Variants in SERAC1 observed in about 807,000 individuals in gnomAD.
The protein encoded by SERAC1 is protein SERAC1.
In SERAC1, 36 loss-of-function variants were observed where a neutral mutation model predicts 85.7. The observed-to-expected ratio is 0.42, with a 90% CI of 0.32 to 0.55. The LOEUF is 0.55. SERAC1 is among the 20% of genes least tolerant of loss of function. SERAC1 has a pLI of 0.11. For missense variants in SERAC1, 629 were observed against 796.2 expected (o/e 0.79, Z 2.53); for synonymous variants, 242 against 265.3 (o/e 0.91, Z 0.85).
At position 158,133,212 on chromosome 6, in the gene SERAC1, T is replaced by C. The variant is rs536427691; in HGVS notation, c.739-2726A>G. 3.3e-5 allele frequency among the ~76,000 whole-genome samples: 5 copies of C among 151,654 alleles called. No individual in the cohort carries two copies. The South Asian group carries it at 6.2e-4, about 19-fold the overall frequency. On this transcript the variant is annotated intron_variant, in intron 8 of 16. Transcript: ENST00000647468. Reference sequence around the variant, plus strand: ...TACCCGGGAGGCTGAGGTGGGAGGATTGCCTAGCCCAGGGAGGTCAAGGCT... The same window carrying C: ...TACCCGGGAGGCTGAGGTGGGAGGACTGCCTAGCCCAGGGAGGTCAAGGCT...
At chr6:158,118,529 G>A (rs1784345547) in intron 12 of SERAC1, among the ~76,000 whole-genome samples, 1 of 150,132 alleles carries the variant, frequency 6.7e-6, no homozygotes, top group Admixed American at 6.7e-5. Context: ...GAGGGGGAAT[G>A]ACTGTTTGAG....
chr6:158,165,195 A>C (rs907706311), intron 1 of SERAC1, among the ~76,000 whole-genome samples: 16 of 151,720 alleles, frequency 1.1e-4, no homozygotes, highest in Non-Finnish European at 4.4e-5. Flanking sequence ...TCACTCTGTC[A>C]CCCAGGCTGG....
At chr6:158,127,407 G>A (rs1290644881) in intron 10 of SERAC1, among the ~76,000 whole-genome samples, 89 of 42,588 alleles carry the variant, frequency 2.1e-3, no homozygotes, top group East Asian at 4.5e-3. Flanking sequence ...CAGCCGCCCC[G>A]TCCGGGAGGT....
chr6:158,136,190 A>C (rs761618036), intron 8 of SERAC1, among the ~76,000 whole-genome samples: 1 of 152,212 alleles, frequency 6.6e-6, no homozygotes, highest in African/African-American at 2.4e-5. Flanking sequence ...AAAGAGAAAA[A>C]TTTTAATTAA....
intron 16 of SERAC1, chr6:158,112,473 C>T (rs939099784): frequency 1.3e-5 from 2 of 150,852 alleles, no homozygotes; most frequent in Non-Finnish European, 3.0e-5. Flanking sequence ...TTTTTAAAAA[C>T]ATCTGGCAGC....
chr6:158,153,870 C>T (rs1785262025), intron 3 of SERAC1, among the ~76,000 whole-genome samples: 1 of 152,170 alleles, frequency 6.6e-6, no homozygotes. Context: ...GTGGCTCAGG[C>T]CTGTAATCCC....
At position 158,120,296 on chromosome 6, in the gene SERAC1, T is replaced by C; in HGVS notation, c.1166+129A>G. ...TGTGGTTACTATAGACAAATTATTT[T>C]AGTAAATAAGATATTTGACTTATAA... On this transcript the variant is annotated intron_variant, in intron 11 of 16. Coordinates refer to ENST00000647468, the MANE Select transcript of SERAC1 (RefSeq NM_032861.4). This position sits in a 1 kb window ranked among gnomAD's most constrained non-coding sequence, Gnocchi z 4.4. The C allele has an allele frequency of 1.0e-6, 1 of 973,608 alleles. No individual in the cohort carries two copies. Among genetic ancestry groups the C allele is most frequent in the African/African-American group, 1.7e-5 (1 of 59,792 alleles). 60.3% of individuals were successfully genotyped at this position (973,608 alleles called of 1,614,324 possible).
chr6:158,164,591 A>T (rs202166893), intron 1 of SERAC1, among the ~76,000 whole-genome samples: 1 of 152,288 alleles, frequency 6.6e-6, no homozygotes, highest in East Asian at 1.9e-4. Context: ...AAGGGAAGAG[A>T]TTATAATTTA....
intron 1 of SERAC1, 111 bp from the exon 2 acceptor site, chr6:158,158,475 T>C: frequency 1.4e-6 from 1 of 692,430 alleles, no homozygotes; most frequent in South Asian, 2.5e-5. Flanking sequence ...AGAGTTAGCT[T>C]TTTCAAGACT....
Position 158,110,371 on chromosome 6 carries a change from G to A in SERAC1, c.*995C>T, listed in dbSNP as rs1207133848. The A allele has an allele frequency of 6.6e-6, 1 of 152,022 alleles. No individual in the cohort carries two copies. The highest frequency in any genetic ancestry group is 1.5e-5 in the Non-Finnish European group (1 of 68,034). The allele number at this position is 152,022 out of a possible 1,614,324, so 9.4% of individuals were successfully genotyped here. A position where few individuals can be genotyped will look rare whatever the true frequency, so the allele number is the denominator to read the frequency against. ...ACTGCACTCCAGCTTGGGCAACAGAGTCAGACCCTGTCTCTAAACAAACAA... is the reference window on the plus strand; with the variant it reads ...ACTGCACTCCAGCTTGGGCAACAGAATCAGACCCTGTCTCTAAACAAACAA... On this transcript the variant is annotated 3_prime_UTR_variant, in exon 17 of 17. Transcript: ENST00000647468.
At chr6:158,137,904 T>G (rs1022215178) in intron 8 of SERAC1, among the ~76,000 whole-genome samples, 9 of 151,902 alleles carry the variant, frequency 5.9e-5, no homozygotes, top group Non-Finnish European at 1.0e-4. Context: ...ACGAATTACT[T>G]TTTCAGAAAA....
chr6:158,141,007 T>C (rs1784903449), intron 8 of SERAC1, among the ~76,000 whole-genome samples: 1 of 152,224 alleles, frequency 6.6e-6, no homozygotes, highest in Non-Finnish European at 1.5e-5. Context: ...ATAGAAGTAT[T>C]ATTCATACAT....
intron 3 of SERAC1, among the ~76,000 whole-genome samples, chr6:158,154,393 G>C (rs1201165962): frequency 6.6e-6 from 1 of 152,102 alleles, no homozygotes; most frequent in Non-Finnish European, 1.5e-5. Context: ...CCCAGAATGA[G>C]TCAAAGGGAA....
intron 10 of SERAC1, among the ~76,000 whole-genome samples, chr6:158,126,616 C>A (rs1034643162): frequency 6.6e-6 from 1 of 152,074 alleles, no homozygotes; most frequent in South Asian, 2.1e-4. Flanking sequence ...AAGACTAGAT[C>A]GGGCAGGAAC....
chr6:158,121,104 T>C (rs1371272917), intron 10 of SERAC1, among the ~76,000 whole-genome samples: 2 of 152,218 alleles, frequency 1.3e-5, no homozygotes, highest in South Asian at 4.1e-4. Context: ...AGAAAATGCA[T>C]GGATAATACT....
chr6:158,118,901 C>G (rs1401345465), intron 12 of SERAC1, 128 bp downstream of exon 12: 4 of 1,110,856 alleles, frequency 3.6e-6, no homozygotes, highest in Non-Finnish European at 5.1e-6. Flanking sequence ...TACTACAAAT[C>G]TCCCTAAGGG....
intron 1 of SERAC1, among the ~76,000 whole-genome samples, chr6:158,167,737 T>C (rs544531408): frequency 6.6e-6 from 1 of 152,060 alleles, no homozygotes; most frequent in Admixed American, 6.5e-5. Flanking sequence ...TTGCCGAGTT[T>C]AGAGCTCTCT....
rs894650163 is a variant in SERAC1, at chr6:158,128,263, G to T, written c.860C>A (p.Thr287Lys). ...EAIVKHSEIS[T>K]HCDKIEANGG... ...ATTTGCTTCGATTTTATCACAATGT[G>T]TGGATATCTGGCACAATAAATAAAC... Residue 287 changes from threonine to lysine, a missense_variant, in exon 10 of 17, where the codon ACA becomes AAA. By Grantham distance (78) the Thr-to-Lys change is moderately conservative (BLOSUM62 -1). Coordinates refer to ENST00000647468, the MANE Select transcript of SERAC1 (RefSeq NM_032861.4). 6.2e-7 allele frequency: 1 copy of T among 1,613,500 alleles called. No homozygotes were observed.
intron 1 of SERAC1, among the ~76,000 whole-genome samples, chr6:158,164,168 A>G (rs766925563): frequency 4.4e-4 from 67 of 151,706 alleles, no homozygotes; most frequent in Admixed American, 3.9e-3. Flanking sequence ...GTCAATTTCT[A>G]TTTAAAAGCA....
Sources: gnomAD v4.1 joint callset for allele counts (sites outside exome capture counted in the v4.1 genomes callset) on GRCh38, gnomAD v4.1.1 for gene constraint, Gnocchi (gnomAD v3.1) non-coding constraint, MANE v1.5 for transcripts, NCBI Gene and HGNC (gene_info 2026-07-23, HGNC 2026-07-21) for gene names.